The following SNTG1 variants were observed in gnomAD, a reference collection of about 807,000 sequenced individuals.
SNTG1 encodes the protein syntrophin gamma 1.
In SNTG1, 39 loss-of-function variants were observed where a neutral mutation model predicts 74.7. That is an observed-to-expected ratio of 0.52 (90% CI 0.40 to 0.68). The LOEUF is 0.68. Among genes scored for constraint, SNTG1 ranks in the 30% least tolerant of loss-of-function variants. The pLI is 0.00. For synonymous variants in SNTG1, 254 were observed against 217.1 expected, an observed-to-expected ratio of 1.17 and a Z score of -1.49; for missense variants, 685 against 609.5, an observed-to-expected ratio of 1.12 and a Z score of -1.30.
At chr8:50,555,229 T>C (rs556112899) in intron 12 of SNTG1, among the ~76,000 whole-genome samples, 6 of 152,200 alleles carry the variant, frequency 3.9e-5, no homozygotes, top group Non-Finnish European at 7.4e-5. Flanking sequence ...ATATGTCTGT[T>C]GCATATTAAA....
intron 2 of SNTG1, among the ~76,000 whole-genome samples, chr8:50,357,590 G>A (rs938909556): frequency 1.6e-4 from 24 of 152,150 alleles, no homozygotes; most frequent in African/African-American, 5.8e-4. Context: ...CAGTAAGACT[G>A]GACTTCAAAG....
Position 50,450,594 on chromosome 8 carries a change from C to CCAATAAAATGTA in SNTG1, c.316_317insCAATAAAATGTA (p.Leu106delinsProIleLysCysIle). The CCAATAAAATGTA allele has an allele frequency of 1.2e-6, 2 of 1,613,430 alleles. No homozygotes were observed. The highest frequency in any genetic ancestry group is 1.7e-6 in the Non-Finnish European group (2 of 1,179,720). ...ACTACTTTTTATTGGAGATGCAATT[C>CCAATAAAATGTA]TACAGGTATACATTTTATCACTATA... On this transcript the variant is annotated protein_altering_variant, in exon 7 of 19. Transcript: ENST00000642720.
intron 1 of SNTG1, among the ~76,000 whole-genome samples, chr8:50,019,859 A>G (rs779668149): frequency 3.9e-5 from 6 of 152,094 alleles, no homozygotes; most frequent in African/African-American, 4.8e-5. Context: ...AAGCAGTGCT[A>G]TCATGCATGT....
intron 1 of SNTG1, among the ~76,000 whole-genome samples, chr8:50,107,700 G>A (rs2080430526): frequency 1.3e-5 from 2 of 151,782 alleles, no homozygotes; most frequent in Non-Finnish European, 2.9e-5. Flanking sequence ...ACAGGCACCT[G>A]CAAACATGCC....
At chr8:50,578,676 T>C (rs903022215) in intron 12 of SNTG1, among the ~76,000 whole-genome samples, 15 of 152,220 alleles carry the variant, frequency 9.9e-5, no homozygotes, top group Admixed American at 3.3e-4. Flanking sequence ...TCACAAGATC[T>C]GATGACTTTA....
chr8:50,413,393 C>T (rs2092974581), intron 4 of SNTG1, among the ~76,000 whole-genome samples: 2 of 152,092 alleles, frequency 1.3e-5, no homozygotes. Flanking sequence ...GTAATATTTT[C>T]ATCCCTTAGC....
chr8:50,741,198 C>G (rs2095542463), intron 17 of SNTG1, among the ~76,000 whole-genome samples: 1 of 151,962 alleles, frequency 6.6e-6, no homozygotes, highest in African/African-American at 2.4e-5. Flanking sequence ...AATCTCAGTT[C>G]ATCGCAACAC....
intron 12 of SNTG1, among the ~76,000 whole-genome samples, chr8:50,564,351 T>C (rs765950563): frequency 6.6e-6 from 1 of 152,110 alleles, no homozygotes; most frequent in African/African-American, 2.4e-5. Context: ...TATATAAACA[T>C]ATATAGAAAA....
chr8:50,132,168 G>T (rs2081339299), intron 1 of SNTG1, among the ~76,000 whole-genome samples: 2 of 152,010 alleles, frequency 1.3e-5, no homozygotes, highest in South Asian at 4.1e-4. Context: ...TGGGTCTATT[G>T]TCATTCCATG....
At chr8:50,391,040 T>G (rs925065794) in intron 2 of SNTG1, among the ~76,000 whole-genome samples, 2 of 152,152 alleles carry the variant, frequency 1.3e-5, no homozygotes, top group Admixed American at 1.3e-4. Context: ...ACTTCCTCTT[T>G]TCCAAATTGA....
chr8:50,103,926 G>A (rs1168653380), intron 1 of SNTG1, among the ~76,000 whole-genome samples: 1 of 152,130 alleles, frequency 6.6e-6, no homozygotes, highest in African/African-American at 2.4e-5. Flanking sequence ...TGATCATGCT[G>A]GATAAGCTTT....
At chr8:49,998,148 C>A (rs1814407017) in intron 1 of SNTG1, among the ~76,000 whole-genome samples, 1 of 152,114 alleles carries the variant, frequency 6.6e-6, no homozygotes, top group South Asian at 2.1e-4. Context: ...CATACACATA[C>A]ATAACATAGG....
chr8:50,700,411 C>T (rs1018999890), intron 15 of SNTG1, among the ~76,000 whole-genome samples: 1 of 152,116 alleles, frequency 6.6e-6, no homozygotes, highest in South Asian at 2.1e-4. Context: ...AATGATTGAG[C>T]TATAGTCACT....
chr8:50,247,165 C>T (rs1244222986), intron 2 of SNTG1, among the ~76,000 whole-genome samples: 1 of 152,130 alleles, frequency 6.6e-6, no homozygotes, highest in African/African-American at 2.4e-5. Flanking sequence ...ATATTTTCTG[C>T]ACGATTTGTG....
At chr8:50,373,991 A>C (rs970064182) in intron 2 of SNTG1, among the ~76,000 whole-genome samples, 1 of 152,190 alleles carries the variant, frequency 6.6e-6, no homozygotes, top group African/African-American at 2.4e-5. Flanking sequence ...TGTAGCCTAC[A>C]CAATTTTTTT....
intron 8 of SNTG1, among the ~76,000 whole-genome samples, chr8:50,498,340 T>C (rs974753094): frequency 4.0e-5 from 6 of 151,896 alleles, no homozygotes; most frequent in African/African-American, 1.4e-4. Flanking sequence ...AGTTTTAATT[T>C]ACATTTCACT....
At chr8:50,424,923 A>G (rs917125317) in intron 4 of SNTG1, among the ~76,000 whole-genome samples, 13 of 152,210 alleles carry the variant, frequency 8.5e-5, no homozygotes, top group African/African-American at 2.9e-4. Flanking sequence ...TTACATAAAC[A>G]TTGACTACTG....
At chr8:50,398,785 G>T (rs1392081783) in intron 3 of SNTG1, among the ~76,000 whole-genome samples, 16 of 152,168 alleles carry the variant, frequency 1.1e-4, no homozygotes, top group African/African-American at 3.9e-4. Flanking sequence ...CAAAAAATTA[G>T]CTGGGTGTCA....
chr8:50,115,576 A>AAAAAAAAAAAAAAAAAAAAC (rs1482375164), intron 1 of SNTG1, among the ~76,000 whole-genome samples: 1,515 of 82,784 alleles, frequency 0.018, 299 homozygotes, highest in East Asian at 0.051. Context: ...TCAAAAAAAA[A>AAAAAAAAAAAAAAAAAAAAC]AAAAAAAAAA....
Sources: allele counts gnomAD v4.1 joint callset (sites outside exome capture counted in the v4.1 genomes callset), GRCh38; gene constraint gnomAD v4.1.1; transcripts MANE v1.5; gene names NCBI Gene and HGNC (gene_info 2026-07-23, HGNC 2026-07-21).